The following CTNNA2 variants were observed in gnomAD, a reference collection of about 807,000 sequenced individuals.
CTNNA2 encodes catenin alpha-2.
A neutral mutation model predicts 101.0 loss-of-function variants in CTNNA2; 42 were observed. The ratio of observed to expected loss-of-function variants is 0.42; its 90% CI spans 0.32 to 0.54. CTNNA2 has a LOEUF of 0.54. CTNNA2 is among the 20% of genes least tolerant of loss of function. The pLI is 0.14. For missense variants in CTNNA2, 871 were observed against 1,223.1 expected, an observed-to-expected ratio of 0.71 and a Z score of 4.29; for synonymous variants, 450 against 456.4, an observed-to-expected ratio of 0.99 and a Z score of 0.18.
chr2:80,545,482 G>A (rs763375866), intron 10 of CTNNA2, among the ~76,000 whole-genome samples: 4 of 152,168 alleles, frequency 2.6e-5, no homozygotes, highest in Non-Finnish European at 5.9e-5. Context: ...GGAGTTCGAG[G>A]CTGCAGGGAG....
intron 7 of CTNNA2, among the ~76,000 whole-genome samples, chr2:80,386,507 G>T (rs571860661): frequency 6.6e-6 from 1 of 152,112 alleles, no homozygotes; most frequent in South Asian, 2.1e-4. Flanking sequence ...CTATATCCAG[G>T]GTTTCAGGGT....
In CTNNA2 at chr2:79,439,174, C is replaced by T. The variant is rs111396799; in HGVS notation, c.-135+65161C>T. On this transcript the variant is annotated intron_variant, in intron 4 of 21. Coordinates refer to the CTNNA2 transcript ENST00000466387. ...TGAAAGGTGAAAACAATCCACTGTC[C>T]ATCAACTGACAAAAAGATGAACAAA... Among the ~76,000 whole-genome samples the T allele has an allele frequency of 3.7e-3, 568 of 152,254 alleles. 6 individuals carry two copies. Among genetic ancestry groups the T allele is most frequent in the African/African-American group, 0.012 (518 of 41,556 alleles).
intron 3 of CTNNA2, among the ~76,000 whole-genome samples, chr2:79,812,785 T>C (rs1677154255): frequency 6.6e-6 from 1 of 152,150 alleles, no homozygotes; most frequent in Admixed American, 6.6e-5. Context: ...AGAGACCTGC[T>C]GGGTGATAGA....
At chr2:80,313,668 G>A (rs1357792612) in intron 7 of CTNNA2, 1 of 1,589,470 alleles carries the variant, frequency 6.3e-7, no homozygotes, top group Admixed American at 1.8e-5. Context: ...TGCAGGAGAA[G>A]GGGGTAAGAA....
At chr2:80,641,118 A>T (rs1673428374) in intron 18 of CTNNA2, among the ~76,000 whole-genome samples, 1 of 152,214 alleles carries the variant, frequency 6.6e-6, no homozygotes, top group Non-Finnish European at 1.5e-5. Flanking sequence ...AATGAAAATA[A>T]AATAGCAAGG....
intron 3 of CTNNA2, among the ~76,000 whole-genome samples, chr2:79,359,737 G>A (rs1677587194): frequency 6.6e-6 from 1 of 152,082 alleles, no homozygotes; most frequent in South Asian, 2.1e-4. Context: ...TAAACAACAT[G>A]TTTATGGCAG....
chr2:79,425,789 G>A (rs1678586955), intron 4 of CTNNA2, among the ~76,000 whole-genome samples: 1 of 152,110 alleles, frequency 6.6e-6, no homozygotes, highest in Non-Finnish European at 1.5e-5. Flanking sequence ...CATCTACAGA[G>A]TATTGTATTC....
chr2:79,242,051 C>G (rs756641518), intron 2 of CTNNA2, among the ~76,000 whole-genome samples: 5 of 151,916 alleles, frequency 3.3e-5, no homozygotes, highest in South Asian at 4.2e-4. Flanking sequence ...GATTACAGGC[C>G]CCCGCCACCA....
chr2:79,930,396 A>T (rs1687363745), intron 7 of CTNNA2, among the ~76,000 whole-genome samples: 1 of 152,182 alleles, frequency 6.6e-6, no homozygotes, highest in Non-Finnish European at 1.5e-5. Context: ...CTCACTTCAG[A>T]GGACTCTTTG....
At chr2:79,421,573 C>T (rs568489417) in intron 4 of CTNNA2, among the ~76,000 whole-genome samples, 4 of 152,070 alleles carry the variant, frequency 2.6e-5, no homozygotes, top group African/African-American at 4.8e-5. Flanking sequence ...GGTGAACTAA[C>T]GACTGCTGAT....
chr2:80,209,030 A>G (rs1162693050), intron 7 of CTNNA2, among the ~76,000 whole-genome samples: 1 of 152,140 alleles, frequency 6.6e-6, no homozygotes, highest in African/African-American at 2.4e-5. Context: ...CTTTTTTTCT[A>G]AGGAGAATTT....
At chr2:80,371,872 A>G (rs1015261527) in intron 7 of CTNNA2, among the ~76,000 whole-genome samples, 1 of 152,154 alleles carries the variant, frequency 6.6e-6, no homozygotes, top group Non-Finnish European at 1.5e-5. Flanking sequence ...GAAGTAATGT[A>G]TGCTTATTAG....
intron 3 of CTNNA2, among the ~76,000 whole-genome samples, chr2:79,749,951 A>T (rs1028455805): frequency 6.6e-6 from 1 of 152,246 alleles, no homozygotes; most frequent in Non-Finnish European, 1.5e-5. Flanking sequence ...CTTTCCAAGC[A>T]GGATGCTAGA....
chr2:80,244,760 T>C (rs1671196781), intron 7 of CTNNA2, among the ~76,000 whole-genome samples: 1 of 152,152 alleles, frequency 6.6e-6, no homozygotes. Context: ...TATCTTAGGG[T>C]CATTGGGATC....
chr2:79,497,494 C>T (rs1317740904), intron 4 of CTNNA2, among the ~76,000 whole-genome samples: 1 of 152,198 alleles, frequency 6.6e-6, no homozygotes, highest in Non-Finnish European at 1.5e-5. Flanking sequence ...TTCTCTATCC[C>T]TTCCAGTTCT....
intron 9 of CTNNA2, among the ~76,000 whole-genome samples, chr2:80,450,221 A>T (rs1260506134): frequency 6.6e-6 from 1 of 152,232 alleles, no homozygotes; most frequent in Non-Finnish European, 1.5e-5. Context: ...TTATAGGAGT[A>T]TCCTGGGTCT....
chr2:80,583,266 T>C (rs1657177018), intron 14 of CTNNA2, among the ~76,000 whole-genome samples: 1 of 152,198 alleles, frequency 6.6e-6, no homozygotes, highest in African/African-American at 2.4e-5. Context: ...ATGACCGTGA[T>C]AATTATCATC....
intron 4 of CTNNA2, among the ~76,000 whole-genome samples, chr2:79,481,205 A>T (rs1671106199): frequency 6.6e-6 from 1 of 152,184 alleles, no homozygotes; most frequent in South Asian, 2.1e-4. Flanking sequence ...AAAAACTTAG[A>T]TTGGCCATAC....
chr2:79,882,138 A>G (rs1278170197), intron 6 of CTNNA2, among the ~76,000 whole-genome samples: 2 of 152,260 alleles, frequency 1.3e-5, no homozygotes, highest in South Asian at 4.1e-4. Context: ...TTAGACCCCA[A>G]GCTCTTCTGG....
Sources: gnomAD v4.1 joint callset for allele counts (sites outside exome capture counted in the v4.1 genomes callset) on GRCh38, gnomAD v4.1.1 for gene constraint, MANE v1.5 for transcripts, NCBI Gene and HGNC (gene_info 2026-07-23, HGNC 2026-07-21) for gene names.